Variants in ANO5 observed in about 807,000 individuals in gnomAD.
ANO5 encodes anoctamin 5.
A neutral mutation model predicts 121.0 loss-of-function variants in ANO5; 109 were observed. That is an observed-to-expected ratio of 0.90 (90% confidence interval 0.77 to 1.06). The LOEUF (loss-of-function observed/expected upper bound fraction) is 1.06. Ranked by LOEUF, ANO5 falls within the 50% of genes least tolerant of loss-of-function variation. The pLI, the probability that ANO5 is intolerant of heterozygous loss-of-function variation, is 0.00. For synonymous variants in ANO5, 406 were observed against 359.9 expected, an observed-to-expected ratio of 1.13 and a Z score of -1.45; for missense variants, 1,064 against 1,078.5, an observed-to-expected ratio of 0.99 and a Z score of 0.19.
chr11:22,229,113 C>T (rs11026467), intron 7 of ANO5, among the ~76,000 whole-genome samples: 21,015 of 151,792 alleles, frequency 0.14, 4,241 homozygotes, highest in African/African-American at 0.44. Context: ...TGTAAGACTA[C>T]ACACTCTCCA....
At chr11:22,270,925 A>G (rs1381618233) in intron 18 of ANO5, among the ~76,000 whole-genome samples, 3 of 152,168 alleles carry the variant, frequency 2.0e-5, no homozygotes, top group African/African-American at 7.2e-5. Context: ...GAAACATCCA[A>G]AACATTGCAA....
At chr11:22,215,158 G>T (rs11821000) in intron 3 of ANO5, among the ~76,000 whole-genome samples, 3,467 of 151,942 alleles carry the variant, frequency 0.023, 124 homozygotes, top group African/African-American at 0.078. Context: ...CACACTAAAG[G>T]TTGCTTAAAT....
chr11:22,212,965 A>G (rs963110283), intron 3 of ANO5, among the ~76,000 whole-genome samples: 1 of 151,464 alleles, frequency 6.6e-6, no homozygotes, highest in Non-Finnish European at 1.5e-5. Context: ...CTTTAAAATG[A>G]TGTATGATAT....
chr11:22,270,561 C>CA, intron 18 of ANO5, 119 bp downstream of exon 18: 3 of 1,434,842 alleles, frequency 2.1e-6, no homozygotes, highest in African/African-American at 1.4e-5. Flanking sequence ...GACTGGTTGG[C>CA]AAAAAAGATG....
At chr11:22,248,225 T>A (rs1169432865) in intron 9 of ANO5, among the ~76,000 whole-genome samples, 1 of 152,076 alleles carries the variant, frequency 6.6e-6, no homozygotes, top group East Asian at 1.9e-4. Context: ...AACACACATC[T>A]ACCTATCAGA....
chr11:22,239,707 G>T, intron 9 of ANO5, 23 bp downstream of exon 9: 1 of 1,527,252 alleles, frequency 6.5e-7, no homozygotes, highest in South Asian at 1.1e-5. Flanking sequence ...CACAGGATCA[G>T]ACCAATTAAA....
chr11:22,260,110 G>A (rs1318380588), intron 15 of ANO5, among the ~76,000 whole-genome samples: 1 of 152,042 alleles, frequency 6.6e-6, no homozygotes, highest in Non-Finnish European at 1.5e-5. Context: ...TATTGATTTT[G>A]GAAGTTATTG....
In ANO5 at chr11:22,248,958, T is replaced by C. The variant is rs141776676; in HGVS notation, c.879-1279T>C. ...TTCTGATTTTGATGTCATGTACTAT[T>C]ACAATAATTTCTACATTTTTCAGAA... On this transcript the variant is annotated intron_variant, in intron 9 of 21. Transcript: ENST00000324559. 1.5e-3 allele frequency among the ~76,000 whole-genome samples: 231 copies of C among 152,164 alleles called. 1 individual carries two copies. The highest frequency in any genetic ancestry group is 5.3e-3 in the African/African-American group (221 of 41,562).
chr11:22,263,759 C>T (rs1259632931), intron 17 of ANO5, among the ~76,000 whole-genome samples: 4 of 152,074 alleles, frequency 2.6e-5, no homozygotes, highest in Non-Finnish European at 5.9e-5. Flanking sequence ...AAAAGTGCTC[C>T]ACTTAAGACA....
At chr11:22,253,680 G>A (rs530764444) in intron 12 of ANO5, among the ~76,000 whole-genome samples, 3 of 152,262 alleles carry the variant, frequency 2.0e-5, no homozygotes, top group African/African-American at 7.2e-5. Flanking sequence ...AATATTAAAT[G>A]ATAGAATGAA....
intron 8 of ANO5, among the ~76,000 whole-genome samples, chr11:22,237,298 T>C (rs1051787923): frequency 6.6e-6 from 1 of 152,224 alleles, no homozygotes; most frequent in Admixed American, 6.5e-5. Flanking sequence ...AGTGTTGCTG[T>C]AATAGTTCCC....
intron 7 of ANO5, among the ~76,000 whole-genome samples, chr11:22,234,668 G>T (rs1853155511): frequency 6.6e-6 from 1 of 152,148 alleles, no homozygotes; most frequent in Non-Finnish European, 1.5e-5. Context: ...GGTGGGGCAA[G>T]TCACTTTGCC....
intron 1 of ANO5, among the ~76,000 whole-genome samples, chr11:22,195,769 T>C (rs1851792438): frequency 6.6e-6 from 1 of 152,144 alleles, no homozygotes; most frequent in South Asian, 2.1e-4. Context: ...TTGTAATCTA[T>C]TTATGCTTAC....
chr11:22,203,901 C>A, intron 2 of ANO5, 51 bp downstream of exon 2: 1 of 1,235,128 alleles, frequency 8.1e-7, no homozygotes, highest in Non-Finnish European at 1.2e-6. Context: ...AATAAAAAAT[C>A]AAGATAAGGT....
chr11:22,267,985 C>A (rs1029353490), intron 17 of ANO5, among the ~76,000 whole-genome samples: 1 of 152,082 alleles, frequency 6.6e-6, no homozygotes, highest in Admixed American at 6.6e-5. Flanking sequence ...GTATGTGTAC[C>A]ACATTTGCTT....
At chr11:22,204,238 A>C (rs748635609) in intron 2 of ANO5, among the ~76,000 whole-genome samples, 2 of 152,102 alleles carry the variant, frequency 1.3e-5, no homozygotes, top group African/African-American at 4.8e-5. Flanking sequence ...CTGGAGTTCA[A>C]CCTGAATTGC....
At chr11:22,223,236 A>T (rs756001861) in intron 5 of ANO5, among the ~76,000 whole-genome samples, 6 of 151,960 alleles carry the variant, frequency 3.9e-5, no homozygotes, top group Middle Eastern at 3.2e-3. Context: ...GCTTATGGAG[A>T]CGTTTTATTA....
chr11:22,250,612 G>T (rs1853780251), intron 10 of ANO5, 129 bp from the exon 11 acceptor site: 2 of 1,074,842 alleles, frequency 1.9e-6, no homozygotes, highest in Non-Finnish European at 2.8e-6. Context: ...ACCCACTATA[G>T]AAATTGCTGC....
intron 12 of ANO5, among the ~76,000 whole-genome samples, chr11:22,252,835 C>A (rs2133712745): frequency 6.6e-6 from 1 of 152,120 alleles, no homozygotes; most frequent in South Asian, 2.1e-4. Context: ...AATTCAGCAA[C>A]TAGTTTTTAA....
Sources: gnomAD v4.1 joint callset for allele counts (sites outside exome capture counted in the v4.1 genomes callset) on GRCh38, gnomAD v4.1.1 for gene constraint, MANE v1.5 for transcripts, NCBI Gene and HGNC (gene_info 2026-07-23, HGNC 2026-07-21) for gene names.